Variants in ARK2N observed in about 807,000 individuals in gnomAD.
ARK2N encodes protein ARK2N.
At chr18:46,196,196 T>A in the ARK2N span, among the ~76,000 whole-genome samples, 1 of 151,682 alleles carries the variant, frequency 6.6e-6, no homozygotes, top group Non-Finnish European at 1.5e-5. Flanking sequence ...GTCAGGCTGG[T>A]CTTGAACTCC....
At chr18:46,184,800 A>T in the ARK2N span, among the ~76,000 whole-genome samples, 2 of 152,328 alleles carry the variant, frequency 1.3e-5, no homozygotes, top group East Asian at 3.9e-4. Flanking sequence ...ATAGAATTGA[A>T]TGTGTAAGGA....
the ARK2N span, among the ~76,000 whole-genome samples, chr18:46,181,268 G>C: frequency 1.3e-5 from 2 of 150,696 alleles, no homozygotes; most frequent in African/African-American, 4.9e-5. Context: ...CTCGGGAGGT[G>C]GGGGGGGAAA....
chr18:46,227,000 G>A, the ARK2N span, among the ~76,000 whole-genome samples: 2 of 151,752 alleles, frequency 1.3e-5, no homozygotes, highest in Non-Finnish European at 2.9e-5. Context: ...TAGAGATGGG[G>A]GTTTCACCAT....
chr18:46,207,064 C>T, the ARK2N span, among the ~76,000 whole-genome samples: 1 of 152,218 alleles, frequency 6.6e-6, no homozygotes, highest in Admixed American at 6.5e-5. Context: ...GCATGAGCCG[C>T]TGAACCTGGT....
chr18:46,213,083 G>A, the ARK2N span, among the ~76,000 whole-genome samples: 1 of 131,980 alleles, frequency 7.6e-6, no homozygotes, highest in African/African-American at 2.8e-5. Context: ...CTCACTGCAA[G>A]CTCCACCTCC....
chr18:46,204,180 A>G, the ARK2N span, among the ~76,000 whole-genome samples: 1 of 151,314 alleles, frequency 6.6e-6, no homozygotes, highest in African/African-American at 2.4e-5. Context: ...CAGTAATCTT[A>G]GAAAAAACTG....
At chr18:46,203,737 C>T in the ARK2N span, among the ~76,000 whole-genome samples, 1 of 152,122 alleles carries the variant, frequency 6.6e-6, no homozygotes, top group Admixed American at 6.6e-5. Flanking sequence ...TAGGCATGCA[C>T]TACCATGCCC....
chr18:46,179,996 C>T, the ARK2N span, among the ~76,000 whole-genome samples: 4 of 152,104 alleles, frequency 2.6e-5, no homozygotes, highest in Non-Finnish European at 5.9e-5. Context: ...ACAGATTTAT[C>T]GGAACATATT....
At chr18:46,178,064 C>G in the ARK2N span, among the ~76,000 whole-genome samples, 1 of 152,104 alleles carries the variant, frequency 6.6e-6, no homozygotes, top group Non-Finnish European at 1.5e-5. Context: ...ACCTGAGGTT[C>G]GAGTTGGATT....
chr18:46,196,840 G>C, the ARK2N span, among the ~76,000 whole-genome samples: 1 of 152,162 alleles, frequency 6.6e-6, no homozygotes, highest in Admixed American at 6.5e-5. Context: ...CACATGGCTG[G>C]CAAGATAGTA....
the ARK2N span, among the ~76,000 whole-genome samples, chr18:46,202,816 A>G: frequency 3.4e-5 from 5 of 146,562 alleles, no homozygotes; most frequent in African/African-American, 1.4e-4. Flanking sequence ...AAAAAAAAAA[A>G]GAAAGAAAAG....
the ARK2N span, among the ~76,000 whole-genome samples, chr18:46,235,442 C>A: frequency 6.6e-6 from 1 of 152,138 alleles, no homozygotes; most frequent in African/African-American, 2.4e-5. Flanking sequence ...CAAAATAGGG[C>A]AGGTGCTAAG....
At chr18:46,178,065 G>A in the ARK2N span, among the ~76,000 whole-genome samples, 1 of 152,142 alleles carries the variant, frequency 6.6e-6, no homozygotes, top group African/African-American at 2.4e-5. Flanking sequence ...CCTGAGGTTC[G>A]AGTTGGATTT....
the ARK2N span, among the ~76,000 whole-genome samples, chr18:46,219,491 G>A: frequency 1.4e-5 from 2 of 143,726 alleles, no homozygotes; most frequent in African/African-American, 5.2e-5. Context: ...TTTTTTTTGA[G>A]ACCGAGTCTT....
chr18:46,233,711 A>G, the ARK2N span, among the ~76,000 whole-genome samples: 3 of 152,342 alleles, frequency 2.0e-5, no homozygotes, highest in Non-Finnish European at 4.4e-5. Context: ...GGACAAAATG[A>G]TGTAACATTT....
chr18:46,229,885 C>T, the ARK2N span, among the ~76,000 whole-genome samples: 8 of 148,314 alleles, frequency 5.4e-5, no homozygotes, highest in Non-Finnish European at 7.5e-5. Context: ...ATTACAGGTA[C>T]GAGCCACCAC....
At chr18:46,228,670 C>G in the ARK2N span, 2 of 395,880 alleles carry the variant, frequency 5.1e-6, no homozygotes, top group Non-Finnish European at 8.9e-6. Flanking sequence ...ACTGTAACCT[C>G]TGCCTCCCAG....
At chr18:46,213,367 T>C in the ARK2N span, among the ~76,000 whole-genome samples, 1 of 152,026 alleles carries the variant, frequency 6.6e-6, no homozygotes, top group Non-Finnish European at 1.5e-5. Flanking sequence ...CTCATTTTTA[T>C]TCAGTTAGAA....
At chr18:46,256,903 A>G in the ARK2N span, among the ~76,000 whole-genome samples, 2 of 152,210 alleles carry the variant, frequency 1.3e-5, no homozygotes, top group Non-Finnish European at 2.9e-5. Flanking sequence ...CTGAGAAGCA[A>G]GTAGGAGAAG....
Sources: allele counts gnomAD v4.1 joint callset (sites outside exome capture counted in the v4.1 genomes callset), GRCh38; gene constraint gnomAD v4.1.1; transcripts MANE v1.5; gene names NCBI Gene and HGNC (gene_info 2026-07-23, HGNC 2026-07-21).